NELL1: variants seen among roughly 807,000 people sequenced by gnomAD.
NELL1 encodes the protein protein kinase C-binding protein NELL1.
In NELL1, 76 loss-of-function variants were observed where a neutral mutation model predicts 107.4. The observed-to-expected ratio is 0.71, with a 90% confidence interval of 0.59 to 0.86. NELL1 has a LOEUF of 0.86. Ranked by LOEUF, NELL1 falls within the 40% of genes least tolerant of loss-of-function variation. The probability of loss-of-function intolerance (pLI) is 0.00; values close to 1 mark genes in which losing one functional copy is unlikely to be tolerated. For synonymous variants in NELL1, 353 were observed against 341.2 expected (o/e 1.03, Z -0.38); for missense variants, 1,024 against 1,005.5 (o/e 1.02, Z -0.25).
intron 15 of NELL1, among the ~76,000 whole-genome samples, chr11:21,505,473 G>T (rs1855256476): frequency 6.6e-6 from 1 of 152,002 alleles, no homozygotes; most frequent in Non-Finnish European, 1.5e-5. Flanking sequence ...TCCTTTCATT[G>T]AGTGGTCCCA....
At chr11:21,462,157 A>G (rs749658958) in intron 15 of NELL1, among the ~76,000 whole-genome samples, 2 of 152,134 alleles carry the variant, frequency 1.3e-5, no homozygotes, top group Non-Finnish European at 2.9e-5. Flanking sequence ...TTAAATCAAG[A>G]CATGGAAATC....
chr11:21,162,314 TTACTG>T (rs1856390818), intron 13 of NELL1, among the ~76,000 whole-genome samples: 1 of 152,186 alleles, frequency 6.6e-6, no homozygotes. Flanking sequence ...TTGTTTGACT[TTACTG>T]TAATGTAAGT....
At chr11:21,140,651 T>C (rs994968502) in intron 13 of NELL1, among the ~76,000 whole-genome samples, 1 of 152,196 alleles carries the variant, frequency 6.6e-6, no homozygotes, top group African/African-American at 2.4e-5. Flanking sequence ...TATCCAATTA[T>C]ATATTTTTTG....
At chr11:20,837,599 T>C (rs952214472) in intron 3 of NELL1, among the ~76,000 whole-genome samples, 4 of 152,028 alleles carry the variant, frequency 2.6e-5, no homozygotes, top group Admixed American at 2.0e-4. Flanking sequence ...TCAGGAAATA[T>C]ATAAGATGAG....
At chr11:21,022,728 A>G (rs1481481794) in intron 12 of NELL1, among the ~76,000 whole-genome samples, 1 of 152,154 alleles carries the variant, frequency 6.6e-6, no homozygotes, top group Non-Finnish European at 1.5e-5. Context: ...CCTTGGCAAC[A>G]TGCCTCCTAT....
At chr11:20,720,364 T>C (rs1243952576) in intron 2 of NELL1, among the ~76,000 whole-genome samples, 3 of 152,030 alleles carry the variant, frequency 2.0e-5, no homozygotes, top group Admixed American at 6.5e-5. Flanking sequence ...TGCGCCACCA[T>C]ACACGTTTAA....
rs548144280 is a variant in NELL1 at position 21,351,521 on chromosome 11, G to GT, written c.1550-19331dup. On this transcript the variant is annotated intron_variant, in intron 14 of 19. Transcript: ENST00000357134. ...GTAAATGCAGTCCATATTATTTCCA[G>GT]TAAAAAAAAAAAAAAGAAACTTTTT... 1.0e-4 allele frequency among the ~76,000 whole-genome samples: 14 copies of GT among 138,474 alleles called. No individual in the cohort carries two copies. The East Asian group carries it at 2.8e-3, about 28-fold the overall frequency. The allele number at this position is 138,474 out of a possible 152,430, so 90.8% of individuals were successfully genotyped here.
intron 15 of NELL1, among the ~76,000 whole-genome samples, chr11:21,436,630 T>G (rs1407402277): frequency 6.6e-6 from 1 of 152,150 alleles, no homozygotes; most frequent in Non-Finnish European, 1.5e-5. Context: ...AGTATCTATT[T>G]AGTTTATTTC....
chr11:21,531,389 A>G (rs1390817004), intron 15 of NELL1, among the ~76,000 whole-genome samples: 2 of 152,212 alleles, frequency 1.3e-5, no homozygotes, highest in African/African-American at 2.4e-5. Flanking sequence ...AGTTGTGACA[A>G]AAACTAGTTC....
At chr11:21,347,256 C>A (rs192199108) in intron 14 of NELL1, among the ~76,000 whole-genome samples, 6 of 152,062 alleles carry the variant, frequency 3.9e-5, no homozygotes, top group East Asian at 1.9e-4. Context: ...TCAAAGGGAA[C>A]AACAAGTGTA....
At position 21,241,260 on chromosome 11, in the gene NELL1, A is replaced by G. The variant is rs111375391; in HGVS notation, c.1549+11806A>G. Among the ~76,000 whole-genome samples, 1,176 of 152,192 alleles carry G rather than the reference A, an allele frequency of 7.7e-3. 16 individuals carry two copies. Among genetic ancestry groups the G allele is most frequent in the African/African-American group, 0.027 (1,126 of 41,532 alleles). On this transcript the variant is annotated intron_variant, in intron 14 of 19. Transcript: ENST00000357134. ...TTATGATCTGTTTTGGGTAGCAGTT[A>G]TTTGCAAAATATTCACAGTATTCAA...
chr11:21,523,454 G>T (rs1331453572), intron 15 of NELL1, among the ~76,000 whole-genome samples: 4 of 152,102 alleles, frequency 2.6e-5, no homozygotes, highest in African/African-American at 9.7e-5. Context: ...TCCCCAGTCT[G>T]CTTTTTGGAA....
intron 2 of NELL1, among the ~76,000 whole-genome samples, chr11:20,718,790 G>A (rs1026740106): frequency 2.0e-5 from 3 of 152,180 alleles, no homozygotes; most frequent in Admixed American, 2.0e-4. Context: ...GGGGCCAAAT[G>A]TTGATGAGGC....
chr11:21,332,551 A>G (rs1850295785), intron 14 of NELL1, among the ~76,000 whole-genome samples: 2 of 151,966 alleles, frequency 1.3e-5, no homozygotes, highest in African/African-American at 2.4e-5. Flanking sequence ...ATTTTATACA[A>G]TTATGATTGC....
At chr11:21,093,667 A>T (rs1260662674) in intron 12 of NELL1, among the ~76,000 whole-genome samples, 2 of 152,190 alleles carry the variant, frequency 1.3e-5, no homozygotes, top group East Asian at 3.9e-4. Context: ...ATCATAGCGG[A>T]AGGCAATGAG....
intron 2 of NELL1, among the ~76,000 whole-genome samples, chr11:20,697,988 A>G (rs1854669166): frequency 6.6e-6 from 1 of 152,162 alleles, no homozygotes; most frequent in Admixed American, 6.6e-5. Context: ...ATTTCCTGCC[A>G]CCCACTGTTG....
intron 12 of NELL1, among the ~76,000 whole-genome samples, chr11:20,998,310 A>G (rs1852136074): frequency 6.6e-6 from 1 of 152,194 alleles, no homozygotes; most frequent in Admixed American, 6.5e-5. Flanking sequence ...AACACTCCTG[A>G]TAGATTAATT....
At chr11:21,235,419 G>T (rs537225726) in intron 14 of NELL1, among the ~76,000 whole-genome samples, 4 of 152,230 alleles carry the variant, frequency 2.6e-5, no homozygotes, top group African/African-American at 9.6e-5. Context: ...GTGGCTTAGG[G>T]TCGGACTCAA....
At chr11:21,512,851 G>A (rs1464716813) in intron 15 of NELL1, among the ~76,000 whole-genome samples, 1 of 152,018 alleles carries the variant, frequency 6.6e-6, no homozygotes, top group Non-Finnish European at 1.5e-5. Context: ...AACCAACGAA[G>A]CCTGTTGACA....
Sources: allele counts gnomAD v4.1 joint callset (sites outside exome capture counted in the v4.1 genomes callset), GRCh38; gene constraint gnomAD v4.1.1; transcripts MANE v1.5; gene names NCBI Gene and HGNC (gene_info 2026-07-23, HGNC 2026-07-21).